Variants in NELFCD observed in about 807,000 individuals in gnomAD.
The protein encoded by NELFCD is negative elongation factor complex member C/D.
A neutral mutation model predicts 72.9 loss-of-function variants in NELFCD; 48 were observed. That is an observed-to-expected ratio of 0.66 (90% CI 0.52 to 0.84). The LOEUF is 0.84. Among genes scored for constraint, NELFCD ranks in the 40% least tolerant of loss-of-function variants. The probability of loss-of-function intolerance (pLI) is 0.00; values close to 1 mark genes in which losing one functional copy is unlikely to be tolerated. For missense variants in NELFCD, 538 were observed against 723.8 expected (o/e 0.74, Z 2.94); for synonymous variants, 297 against 280.6 (o/e 1.06, Z -0.59).
intron 4 of NELFCD, among the ~76,000 whole-genome samples, 194 bp from the exon 5 acceptor site, chr20:58,988,720 C>T (rs973844452): frequency 1.3e-5 from 2 of 152,102 alleles, no homozygotes; most frequent in East Asian, 1.9e-4. Flanking sequence ...AAAAGCTGAG[C>T]GGGCATCTAG....
At chr20:58,991,699 C>T in intron 9 of NELFCD, 182 bp from the exon 10 acceptor site, 1 of 751,708 alleles carries the variant, frequency 1.3e-6, no homozygotes, top group Non-Finnish European at 2.1e-6. Context: ...CATGGACAAA[C>T]ACTAGTCTCA....
Position 58,993,958 on chromosome 20 carries a change from A to C in NELFCD, c.1582-152A>C. 1 of 1,114,714 alleles carries C rather than the reference A, an allele frequency of 9.0e-7. No individual in the cohort carries two copies. Among genetic ancestry groups the C allele is most frequent in the Non-Finnish European group, 1.3e-6 (1 of 767,004 alleles). The allele number at this position is 1,114,714 out of a possible 1,614,324, so 69.1% of individuals were successfully genotyped here. A position where few individuals can be genotyped will look rare whatever the true frequency, so the allele number is the denominator to read the frequency against. On this transcript the variant is annotated intron_variant, in intron 13 of 14. Transcript: ENST00000652272. This position sits in a 1 kb window ranked among gnomAD's most constrained non-coding sequence, Gnocchi z 5.0. ...TATGACACACTTTACCTCCATTACC[A>C]CCCTGGGCATCTGAATGTTGGAGAT...
Position 58,981,401 on chromosome 20 carries a change from G to A in NELFCD, c.60+32G>A, listed in dbSNP as rs531468528. 5.3e-5 allele frequency: 52 copies of A among 989,926 alleles called. 1 individual carries two copies. The East Asian group carries it at 3.1e-3, about 59-fold the overall frequency. The allele number at this position is 989,926 out of a possible 1,614,324, so 61.3% of individuals were successfully genotyped here. A position where few individuals can be genotyped will look rare whatever the true frequency, so the allele number is the denominator to read the frequency against. On this transcript the variant is annotated intron_variant, in intron 1 of 14. Transcript: ENST00000652272. ...CGGGGCACTGGGCGCACCCTAGAGA[G>A]AATCGTTCGTCTCCGCCGCCGGCGG...
intron 10 of NELFCD, among the ~76,000 whole-genome samples, chr20:58,992,761 C>T (rs1329262611): frequency 6.6e-6 from 1 of 151,270 alleles, no homozygotes; most frequent in Non-Finnish European, 1.5e-5. Flanking sequence ...GTGGCACTCA[C>T]CTGTAGTCCC....
Position 58,994,747 on chromosome 20 carries a change from G to A in NELFCD, c.*71G>A. ...TGTGGAAAAACCCTTTCAAGAAGCT[G>A]TTTTAAGAGGCTCGGGCAGCGTCTT... On this transcript the variant is annotated 3_prime_UTR_variant, in exon 15 of 15. Transcript: ENST00000652272. The A allele has an allele frequency of 7.6e-7, 1 of 1,322,172 alleles. No individual in the cohort carries two copies. The highest frequency in any genetic ancestry group is 1.2e-5 in the South Asian group (1 of 81,788). 81.9% of individuals were successfully genotyped at this position (1,322,172 alleles called of 1,614,324 possible).
At position 58,991,272 on chromosome 20, in the gene NELFCD, C is replaced by CA. The variant is rs1438053523; in HGVS notation, c.955-39dup. ...AGGGGAGGTGGGTGAGCAGTGCCCT[C>CA]ACGCCTGCCATCCCGAACTGGGCAT... On this transcript the variant is annotated intron_variant, in intron 8 of 14. Coordinates refer to ENST00000652272, the MANE Select transcript of NELFCD (RefSeq NM_198976.4). 3 of 1,613,032 alleles carry CA rather than the reference C, an allele frequency of 1.9e-6. No homozygotes were observed. In the East Asian group the frequency reaches 6.7e-5, roughly 36 times the overall value.
At position 58,986,690 on chromosome 20, in the gene NELFCD, C is replaced by G. The variant is rs976853715; in HGVS notation, c.177-64C>G. 2.2e-5 allele frequency: 25 copies of G among 1,137,750 alleles called. No individual in the cohort carries two copies. Among genetic ancestry groups the G allele is most frequent in the South Asian group, 8.6e-5 (7 of 81,268 alleles). The allele number at this position is 1,137,750 out of a possible 1,614,324, so 70.5% of individuals were successfully genotyped here. A position where few individuals can be genotyped will look rare whatever the true frequency, so the allele number is the denominator to read the frequency against. ...TGAAACCTGATTCTCTTCCTCCTTC[C>G]TTACCTTCCTGTTGTCCATCATTCC... On this transcript the variant is annotated intron_variant, in intron 2 of 14. Coordinates refer to ENST00000652272, the MANE Select transcript of NELFCD (RefSeq NM_198976.4). The surrounding 1 kb of genome is among the most constrained non-coding windows in gnomAD (Gnocchi z 4.4).
chr20:58,988,609 G>T (rs2091789749), intron 4 of NELFCD, among the ~76,000 whole-genome samples: 1 of 152,064 alleles, frequency 6.6e-6, no homozygotes, highest in African/African-American at 2.4e-5. Flanking sequence ...TACAAGCTGG[G>T]GCAGCATGAG....
At chr20:58,987,389 C>A in intron 3 of NELFCD, 1 of 346,680 alleles carries the variant, frequency 2.9e-6, no homozygotes, top group Non-Finnish European at 5.3e-6. Context: ...TCTGCTCCCT[C>A]CTCACTGGGC....
In NELFCD at chr20:58,989,974, C is replaced by G; in HGVS notation, c.774C>G (p.Arg258=). 6.2e-7 allele frequency: 1 copy of G among 1,613,228 alleles called. No homozygotes were observed. Among genetic ancestry groups the G allele is most frequent in the Non-Finnish European group, 8.5e-7 (1 of 1,180,040 alleles). Residue 258 remains arginine, a synonymous_variant, in exon 7 of 15, where the codon CGC becomes CGG. Coordinates refer to ENST00000652272, the MANE Select transcript of NELFCD (RefSeq NM_198976.4). ...AVRRIAQEVQ[R]FAQEKGHDAS... is the part of the protein sequence containing the mutation. ...GCAGGATCGCCCAGGAAGTGCAGCG[C>G]TTTGCCCAGGAGAAGTGAGAGGCCC...
chr20:58,987,402 G>T, intron 3 of NELFCD: 1 of 366,310 alleles, frequency 2.7e-6, no homozygotes. Flanking sequence ...CACTGGGCAG[G>T]GATGTTTTTC....
In NELFCD at chr20:58,993,128, G is replaced by A; in HGVS notation, c.1344+16G>A. ...GCTGGATGAGGTAAGAGGGCGGAGA[G>A]CTGTTCACAGCCTACACAGTGTCTG... On this transcript the variant is annotated intron_variant, in intron 11 of 14. Coordinates refer to ENST00000652272, the MANE Select transcript of NELFCD (RefSeq NM_198976.4). The surrounding 1 kb of genome is among the most constrained non-coding windows in gnomAD (Gnocchi z 5.0). The A allele has an allele frequency of 6.4e-7, 1 of 1,554,750 alleles. No individual in the cohort carries two copies. The highest frequency in any genetic ancestry group is 8.9e-7 in the Non-Finnish European group (1 of 1,125,802).
At chr20:58,992,096 A>T in intron 10 of NELFCD, 76 bp downstream of exon 10, 1 of 1,434,722 alleles carries the variant, frequency 7.0e-7, no homozygotes, top group Non-Finnish European at 9.5e-7. Context: ...TTGAAAGCTC[A>T]AATAACAAAA....
rs765226056 is a variant in NELFCD, at chr20:58,987,704, T to C, written c.287-4T>C. 1.4e-5 allele frequency: 23 copies of C among 1,612,890 alleles called. No homozygotes were observed. In the Admixed American group the frequency reaches 3.0e-4, roughly 21 times the overall value. ...ATTGTCTAGTTGCTTTTATTCTCTTTCAGGTGTTGAGCCAGTGCAGGTTCA... is the reference window on the plus strand; with the variant it reads ...ATTGTCTAGTTGCTTTTATTCTCTTCCAGGTGTTGAGCCAGTGCAGGTTCA... On this transcript the variant is annotated splice_polypyrimidine_tract_variant and splice_region_variant and intron_variant, in intron 3 of 14. Transcript: ENST00000652272.
intron 6 of NELFCD, 54 bp downstream of exon 6, chr20:58,989,694 G>C: frequency 6.2e-7 from 1 of 1,612,900 alleles, no homozygotes; most frequent in East Asian, 2.2e-5. Context: ...TTGGGTCTTG[G>C]TTTTCAAGCA....
Position 58,986,967 on chromosome 20 carries a change from G to C in NELFCD, c.286+104G>C, listed in dbSNP as rs893565664. 7.7e-6 allele frequency: 5 copies of C among 648,060 alleles called. No individual in the cohort carries two copies. Among genetic ancestry groups the C allele is most frequent in the African/African-American group, 7.7e-5 (4 of 52,260 alleles). 40.1% of individuals were successfully genotyped at this position (648,060 alleles called of 1,614,324 possible). On this transcript the variant is annotated intron_variant, in intron 3 of 14. Transcript: ENST00000652272. The surrounding 1 kb of genome is among the most constrained non-coding windows in gnomAD (Gnocchi z 4.4). ...ATACAATGCCTTCTTTGATTTCCTG[G>C]TTTCTGAGACTTGTGTAAGAAAGAG...
rs1169626188 is a variant in NELFCD, at chr20:58,986,661, AT to A, written c.177-89del. The A allele has an allele frequency of 2.1e-6, 2 of 937,710 alleles. No individual in the cohort carries two copies. The highest frequency in any genetic ancestry group is 3.4e-5 in the Admixed American group (2 of 58,546). 58.1% of individuals were successfully genotyped at this position (937,710 alleles called of 1,614,324 possible). On this transcript the variant is annotated intron_variant, in intron 2 of 14. Coordinates refer to ENST00000652272, the MANE Select transcript of NELFCD (RefSeq NM_198976.4). The surrounding 1 kb of genome is among the most constrained non-coding windows in gnomAD (Gnocchi z 4.4). ...CCCAGCCCCCTCCGCTGCTTTAAAA[AT>A]TTTGAAACCTGATTCTCTTCCTCCT...
At chr20:58,989,289 T>C (rs774939519) in intron 5 of NELFCD, 199 bp from the exon 6 acceptor site, 1 of 665,906 alleles carries the variant, frequency 1.5e-6, no homozygotes, top group Non-Finnish European at 2.6e-6. Context: ...GATCTTCCTC[T>C]TGCATATGAA....
chr20:58,991,465 A>T lies in NELFCD; in HGVS notation c.1089+19A>T. ...GAAGAAGGTACCATCGGTTCTGGGA[A>T]TTTGTGGATTTTTTAGGAGACAAAT... On this transcript the variant is annotated intron_variant, in intron 9 of 14. Coordinates refer to ENST00000652272, the MANE Select transcript of NELFCD (RefSeq NM_198976.4). 6.2e-7 allele frequency: 1 copy of T among 1,613,290 alleles called. No homozygotes were observed. The highest frequency in any genetic ancestry group is 8.5e-7 in the Non-Finnish European group (1 of 1,179,750).
Sources: gnomAD v4.1 joint callset for allele counts (sites outside exome capture counted in the v4.1 genomes callset) on GRCh38, gnomAD v4.1.1 for gene constraint, Gnocchi (gnomAD v3.1) non-coding constraint, MANE v1.5 for transcripts, NCBI Gene and HGNC (gene_info 2026-07-23, HGNC 2026-07-21) for gene names.